The following CYP39A1 variants were observed in gnomAD, a reference collection of about 807,000 sequenced individuals.
CYP39A1 encodes the protein 24-hydroxycholesterol 7-alpha-hydroxylase.
A neutral mutation model predicts 58.1 loss-of-function variants in CYP39A1; 49 were observed. That is an observed-to-expected ratio of 0.84 (90% CI 0.67 to 1.07). The LOEUF (loss-of-function observed/expected upper bound fraction) is 1.07. Among genes scored for constraint, CYP39A1 ranks in the 50% least tolerant of loss-of-function variants. The probability of loss-of-function intolerance (pLI) is 0.00; values close to 1 mark genes in which losing one functional copy is unlikely to be tolerated. For missense variants in CYP39A1, 531 were observed against 539.4 expected, an observed-to-expected ratio of 0.98 and a Z score of 0.16; for synonymous variants, 209 against 187.6, an observed-to-expected ratio of 1.11 and a Z score of -0.93.
At chr6:46,591,706 A>G (rs183512698) in intron 8 of CYP39A1, among the ~76,000 whole-genome samples, 1 of 152,182 alleles carries the variant, frequency 6.6e-6, no homozygotes, top group Non-Finnish European at 1.5e-5. Flanking sequence ...GAAACCAAAA[A>G]GTTTGAGAAC....
chr6:46,585,123 A>G (rs936591097), intron 10 of CYP39A1, among the ~76,000 whole-genome samples: 1 of 152,064 alleles, frequency 6.6e-6, no homozygotes, highest in Non-Finnish European at 1.5e-5. Flanking sequence ...ATTACTTTCA[A>G]ACTCAAAAAA....
At chr6:46,599,229 G>A (rs1198615234) in intron 7 of CYP39A1, among the ~76,000 whole-genome samples, 1 of 152,136 alleles carries the variant, frequency 6.6e-6, no homozygotes, top group African/African-American at 2.4e-5. Context: ...AGAAGACAGA[G>A]AACTAAAAGT....
intron 7 of CYP39A1, among the ~76,000 whole-genome samples, chr6:46,597,582 A>T (rs4714949): frequency 0.017 from 2,595 of 152,222 alleles, 33 homozygotes; most frequent in South Asian, 0.038. Flanking sequence ...ACTTCAACAT[A>T]GGGAGGTGAA....
At chr6:46,599,599 G>C (rs1180531146) in intron 7 of CYP39A1, among the ~76,000 whole-genome samples, 3 of 152,044 alleles carry the variant, frequency 2.0e-5, no homozygotes, top group Non-Finnish European at 4.4e-5. Context: ...TATCTTTCCC[G>C]CTATCCAACT....
chr6:46,557,954 A>AT (rs1770748477), intron 10 of CYP39A1, among the ~76,000 whole-genome samples: 1 of 149,732 alleles, frequency 6.7e-6, no homozygotes, highest in South Asian at 2.1e-4. Context: ...AAAAAAAAAA[A>AT]GAAAAAAAGA....
intron 7 of CYP39A1, among the ~76,000 whole-genome samples, chr6:46,599,150 C>CT (rs376219979): frequency 6.6e-6 from 1 of 152,108 alleles, no homozygotes; most frequent in Admixed American, 6.6e-5. Flanking sequence ...GACTGAGACC[C>CT]TACAGGTAGT....
intron 7 of CYP39A1, among the ~76,000 whole-genome samples, chr6:46,616,575 G>A (rs1045374272): frequency 1.2e-4 from 18 of 151,968 alleles, no homozygotes; most frequent in African/African-American, 2.4e-5. Context: ...GTTTACTTAT[G>A]TATTACATTT....
At chr6:46,635,030 G>C (rs1423560061) in intron 5 of CYP39A1, among the ~76,000 whole-genome samples, 1 of 152,140 alleles carries the variant, frequency 6.6e-6, no homozygotes, top group Non-Finnish European at 1.5e-5. Flanking sequence ...TTCCAGTATG[G>C]CTTCCTATTC....
chr6:46,576,589 G>A (rs1211462367), intron 10 of CYP39A1, among the ~76,000 whole-genome samples: 2 of 152,124 alleles, frequency 1.3e-5, no homozygotes, highest in Non-Finnish European at 2.9e-5. Flanking sequence ...CCCAATCCAA[G>A]GAAAACAGTG....
rs1281435185 is a variant in CYP39A1, at chr6:46,596,117, T to G, written c.935A>C (p.Lys312Thr). ...ATCCTCAGACACTTTAATCTTATCT[T>G]TGCCTGTAAAAAAATTTTTAATGAG... Reference protein sequence around the residue: ...GISSVFGKAGKDKIKVSEDDL... With the variant: ...GISSVFGKAGTDKIKVSEDDL... Residue 312 changes from lysine (K) to threonine (T), a missense_variant, in exon 8 of 12, where the codon AAA becomes ACA. Transcript: ENST00000275016. The G allele has an allele frequency of 2.5e-6, 4 of 1,594,196 alleles. No individual in the cohort carries two copies. The highest frequency in any genetic ancestry group is 3.4e-6 in the Non-Finnish European group (4 of 1,173,064).
chr6:46,586,517 A>G (rs1057357842), intron 10 of CYP39A1: 3 of 985,082 alleles, frequency 3.0e-6, no homozygotes, highest in Non-Finnish European at 3.6e-6. Flanking sequence ...AAAGATAACA[A>G]TAACTTTCAT....
intron 10 of CYP39A1, among the ~76,000 whole-genome samples, chr6:46,580,106 C>T (rs927662886): frequency 6.6e-6 from 1 of 152,116 alleles, no homozygotes. Flanking sequence ...TAAAACTATA[C>T]TACAAGGCCA....
intron 7 of CYP39A1, among the ~76,000 whole-genome samples, chr6:46,608,922 G>T (rs1411716301): frequency 1.3e-5 from 2 of 151,770 alleles, no homozygotes; most frequent in South Asian, 4.2e-4. Context: ...CCTACAACAG[G>T]CTTTATAACA....
intron 8 of CYP39A1, among the ~76,000 whole-genome samples, chr6:46,593,917 T>G (rs563648720): frequency 2.0e-5 from 3 of 152,266 alleles, no homozygotes; most frequent in African/African-American, 7.2e-5. Context: ...TGCCTCCTAA[T>G]ATAAATTGAG....
intron 1 of CYP39A1, among the ~76,000 whole-genome samples, 181 bp from the exon 2 acceptor site, chr6:46,642,479 T>C (rs1257450137): frequency 6.6e-6 from 1 of 152,216 alleles, no homozygotes; most frequent in Non-Finnish European, 1.5e-5. Context: ...CATTTTAATT[T>C]GTTCTGTCCT....
chr6:46,560,457 A>G (rs1770914696), intron 10 of CYP39A1, among the ~76,000 whole-genome samples: 1 of 152,222 alleles, frequency 6.6e-6, no homozygotes, highest in African/African-American at 2.4e-5. Flanking sequence ...ATGACTCCAA[A>G]GTTTTCGACT....
At position 46,551,489 on chromosome 6, in the gene CYP39A1, T is replaced by C. The variant is rs143226563; in HGVS notation, c.1339-1052A>G. 2.6e-3 allele frequency among the ~76,000 whole-genome samples: 391 copies of C among 152,246 alleles called. 2 individuals are homozygous for C. The highest frequency in any genetic ancestry group is 9.1e-3 in the African/African-American group (378 of 41,556). On this transcript the variant is annotated intron_variant, in intron 11 of 11. Transcript: ENST00000275016. ...CTTAATGCTCAAAATGGAACAGCCC[T>C]CACTGCTAGCATCAGGACACTGCTG...
At chr6:46,645,377 T>G (rs1554168779) in intron 1 of CYP39A1, among the ~76,000 whole-genome samples, 2 of 152,166 alleles carry the variant, frequency 1.3e-5, no homozygotes, top group Non-Finnish European at 1.5e-5. Context: ...TTTGTTGTTG[T>G]TTTGTTTGTT....
At chr6:46,634,683 G>A (rs889265354) in intron 5 of CYP39A1, among the ~76,000 whole-genome samples, 2 of 151,774 alleles carry the variant, frequency 1.3e-5, no homozygotes, top group Non-Finnish European at 2.9e-5. Context: ...CACCATGCCA[G>A]GCTAATTTTT....
Sources: allele counts gnomAD v4.1 joint callset (sites outside exome capture counted in the v4.1 genomes callset), GRCh38; gene constraint gnomAD v4.1.1; transcripts MANE v1.5; gene names NCBI Gene and HGNC (gene_info 2026-07-23, HGNC 2026-07-21).